Variants in CTH observed in about 807,000 individuals in gnomAD.
The protein encoded by CTH is cystathionase (cystathionine gamma-lyase).
In CTH, 41 loss-of-function variants were observed where a neutral mutation model predicts 50.6. That is an observed-to-expected ratio of 0.81 (90% CI 0.63 to 1.05). The LOEUF (loss-of-function observed/expected upper bound fraction) is 1.05, where lower values mean the gene tolerates loss of function less well. Among genes scored for constraint, CTH ranks in the 50% least tolerant of loss-of-function variants. The probability of loss-of-function intolerance (pLI) is 0.00; values close to 1 mark genes in which losing one functional copy is unlikely to be tolerated. For missense variants in CTH, 470 were observed against 492.6 expected, an observed-to-expected ratio of 0.95 and a Z score of 0.43; for synonymous variants, 156 against 168.9, an observed-to-expected ratio of 0.92 and a Z score of 0.59.
chr1:70,439,455 G>A lies in CTH; in HGVS notation c.*328G>A, dbSNP rs1684672126. 5 of 246,370 alleles carry A rather than the reference G, an allele frequency of 2.0e-5. No individual in the cohort carries two copies. The highest frequency in any genetic ancestry group is 3.1e-5 in the Non-Finnish European group (4 of 127,960). The allele number at this position is 246,370 out of a possible 1,614,324, so 15.3% of individuals were successfully genotyped here. Reference sequence around the variant, plus strand: ...ATTTTGATCATGTTTATAATATAATGGTAATTCATTTTTGATGTTTTGTGA... The same window carrying A: ...ATTTTGATCATGTTTATAATATAATAGTAATTCATTTTTGATGTTTTGTGA... On this transcript the variant is annotated 3_prime_UTR_variant, in exon 12 of 12. Transcript: ENST00000370938.
Position 70,433,975 on chromosome 1 carries a change from T to C in CTH, c.999+26T>C, listed in dbSNP as rs147783422. The C allele has an allele frequency of 5.3e-4, 852 of 1,612,766 alleles. 4 individuals carry two copies. In the African/African-American group the frequency reaches 9.7e-3, roughly 18 times the overall value. ...GTAAACTTACAAAATAGGTTTAAAA[T>C]TGTAGGAGGTAAGGCCTTACAGCAG... On this transcript the variant is annotated intron_variant, in intron 9 of 11. Coordinates refer to ENST00000370938, the MANE Select transcript of CTH (RefSeq NM_001902.6).
intron 1 of CTH, among the ~76,000 whole-genome samples, chr1:70,413,855 C>T (rs1028767242): frequency 1.3e-5 from 2 of 150,168 alleles, no homozygotes; most frequent in Non-Finnish European, 2.9e-5. Flanking sequence ...AATTCTCCTA[C>T]CTCAGCTTCC....
intron 10 of CTH, among the ~76,000 whole-genome samples, chr1:70,437,360 A>T (rs1278106917): frequency 6.6e-6 from 1 of 152,228 alleles, no homozygotes; most frequent in African/African-American, 2.4e-5. Flanking sequence ...CCTTCAAATT[A>T]ATGTCTGTGA....
At chr1:70,417,472 A>C (rs569810405) in intron 2 of CTH, among the ~76,000 whole-genome samples, 3 of 151,972 alleles carry the variant, frequency 2.0e-5, no homozygotes, top group African/African-American at 7.2e-5. Context: ...TTTAGTAAAC[A>C]CAGAGTTTCA....
chr1:70,415,791 T>A (rs1340524448), intron 1 of CTH, among the ~76,000 whole-genome samples, 165 bp from the exon 2 acceptor site: 2 of 152,244 alleles, frequency 1.3e-5, no homozygotes, highest in Non-Finnish European at 2.9e-5. Flanking sequence ...CTTCAGAGCA[T>A]CTTGACTATA....
Position 70,438,734 on chromosome 1 carries a change from C to T in CTH, c.1099C>T (p.Leu367Phe), listed in dbSNP as rs1172485010. 3 of 1,613,736 alleles carry T rather than the reference C, an allele frequency of 1.9e-6. No individual in the cohort carries two copies. The highest frequency in any genetic ancestry group is 2.5e-6 in the Non-Finnish European group (3 of 1,180,010). ...ASVLKNDRDV[L>F]GISDTLIRLS... The stretch of plus-strand genomic sequence containing the variant: ...AGTTCTTAAGAATGACAGAGATGTC[C>T]TTGGAATTAGTGACACACTGATTCG... The change falls in exon 11 of 12, where the codon CTT (leucine) becomes TTT (phenylalanine). Residue 367 changes from leucine (L) to phenylalanine (F), a missense_variant. By Grantham distance (22) the Leu-to-Phe change is conservative. Transcript: ENST00000370938.
intron 1 of CTH, among the ~76,000 whole-genome samples, chr1:70,414,576 G>C (rs1382388883): frequency 6.6e-6 from 1 of 152,130 alleles, no homozygotes; most frequent in Non-Finnish European, 1.5e-5. Context: ...TGTTAATACT[G>C]GGAGCTTCTG....
At chr1:70,435,203 T>C (rs1198675169) in intron 10 of CTH, 26 bp downstream of exon 10, 4 of 1,602,262 alleles carry the variant, frequency 2.5e-6, no homozygotes, top group Non-Finnish European at 3.4e-6. Context: ...TTTTTCTCAG[T>C]ATTTTAAATT....
chr1:70,439,083 T>C lies in CTH; in HGVS notation c.1192-18T>C. 6.2e-7 allele frequency: 1 copy of C among 1,608,936 alleles called. No individual in the cohort carries two copies. On this transcript the variant is annotated intron_variant, in intron 11 of 11. Coordinates refer to ENST00000370938, the MANE Select transcript of CTH (RefSeq NM_001902.6). ...TATATGTTTAATAACATATTTTTCTTGTGCACTGTTATTATAGCACCCTCC... is the reference window on the plus strand; with the variant it reads ...TATATGTTTAATAACATATTTTTCTCGTGCACTGTTATTATAGCACCCTCC...
chr1:70,431,078 T>G (rs1277788730), intron 7 of CTH: 1 of 151,962 alleles, frequency 6.6e-6, no homozygotes, highest in Non-Finnish European at 1.5e-5. Flanking sequence ...ACTCAGAGGC[T>G]GAGGCAGGAG....
intron 3 of CTH, among the ~76,000 whole-genome samples, chr1:70,418,282 C>G (rs1307810980): frequency 6.6e-6 from 1 of 152,152 alleles, no homozygotes; most frequent in Non-Finnish European, 1.5e-5. Flanking sequence ...TAGGATCTCA[C>G]TCTGTCACCC....
At position 70,438,761 on chromosome 1, in the gene CTH, C is replaced by T. The variant is rs368682761; in HGVS notation, c.1126C>T (p.Leu376Phe). 2.5e-6 allele frequency: 4 copies of T among 1,613,678 alleles called. No homozygotes were observed. Among genetic ancestry groups the T allele is most frequent in the Non-Finnish European group, 2.5e-6 (3 of 1,179,990 alleles). ...TGGAATTAGTGACACACTGATTCGACTTTCTGTGGGCTTAGAGGATGAGGA... is the reference window on the plus strand; with the variant it reads ...TGGAATTAGTGACACACTGATTCGATTTTCTGTGGGCTTAGAGGATGAGGA... ...VLGISDTLIR[L>F]SVGLEDEEDL... Residue 376 changes from leucine to phenylalanine, a missense_variant, in exon 11 of 12, where the codon CTT (leucine) becomes TTT (phenylalanine). Physicochemically the swap from Leu to Phe is conservative, Grantham distance 22. Coordinates refer to ENST00000370938, the MANE Select transcript of CTH (RefSeq NM_001902.6).
At chr1:70,437,989 G>T (rs750452083) in intron 10 of CTH, among the ~76,000 whole-genome samples, 2 of 152,098 alleles carry the variant, frequency 1.3e-5, no homozygotes, top group Admixed American at 1.3e-4. Context: ...AATTGTCATC[G>T]CTTTTACCTC....
chr1:70,437,363 G>A (rs1684619896), intron 10 of CTH, among the ~76,000 whole-genome samples: 1 of 152,094 alleles, frequency 6.6e-6, no homozygotes, highest in Admixed American at 6.5e-5. Context: ...TCAAATTAAT[G>A]TCTGTGACAA....
chr1:70,424,752 A>T, intron 5 of CTH, among the ~76,000 whole-genome samples: 1 of 152,136 alleles, frequency 6.6e-6, no homozygotes, highest in East Asian at 1.9e-4. Context: ...CCATGGTGAA[A>T]CCCCGTCTCT....
rs1167957204 is a variant in CTH, at chr1:70,424,303, C to A, written c.475C>A (p.Pro159Thr). Residue 159 changes from proline to threonine, a missense_variant, in exon 5 of 12, where the codon CCC (proline) becomes ACC (threonine). Transcript: ENST00000370938. ...PETKLVWIET[P>T]TNPTQKVIDI... is the part of the protein sequence containing the mutation. ...ATTTTAGCTTGTTTGGATCGAAACC[C>A]CCACAAACCCCACCCAGAAGGTGAT... 5 of 1,614,028 alleles carry A rather than the reference C, an allele frequency of 3.1e-6. No homozygotes were observed. The East Asian group carries it at 8.9e-5, about 29-fold the overall frequency.
chr1:70,421,655 G>A lies in CTH; in HGVS notation c.436G>A (p.Ala146Thr), dbSNP rs1348830480. 1 of 1,613,930 alleles carries A rather than the reference G, an allele frequency of 6.2e-7. No individual in the cohort carries two copies. The highest frequency in any genetic ancestry group is 1.3e-5 in the African/African-American group (1 of 75,052). Reference protein sequence around the residue: ...DCSKIKLLEAAITPETKLVWI... With the variant: ...DCSKIKLLEATITPETKLVWI... ...TTCCAAAATCAAATTACTAGAGGCA[G>A]CAATTACACCAGAAACCAAGGTAAC... Residue 146 changes from alanine to threonine, a missense_variant, in exon 4 of 12, where the codon GCA becomes ACA. Ala to Thr is a moderately conservative substitution (Grantham distance 58). Transcript: ENST00000370938.
chr1:70,433,728 C>T (rs2101756243), intron 8 of CTH, 100 bp from the exon 9 acceptor site: 1 of 1,547,702 alleles, frequency 6.5e-7, no homozygotes, highest in East Asian at 2.4e-5. Flanking sequence ...TCGTCTTAGG[C>T]TTATTTGCAG....
chr1:70,432,797 C>T (rs1684508090), intron 8 of CTH, among the ~76,000 whole-genome samples: 1 of 151,130 alleles, frequency 6.6e-6, no homozygotes, highest in African/African-American at 2.4e-5. Context: ...GATTCTCTTG[C>T]CTCAGCCTCC....
Sources: allele counts gnomAD v4.1 joint callset (sites outside exome capture counted in the v4.1 genomes callset), GRCh38; gene constraint gnomAD v4.1.1; transcripts MANE v1.5; gene names NCBI Gene and HGNC (gene_info 2026-07-23, HGNC 2026-07-21).